DNAH11: variants seen among roughly 807,000 people sequenced by gnomAD.
The protein encoded by DNAH11 is dynein axonemal heavy chain 11.
A neutral mutation model predicts 526.0 loss-of-function variants in DNAH11; 442 were observed. The ratio of observed to expected loss-of-function variants is 0.84; its 90% CI spans 0.78 to 0.91. The LOEUF (loss-of-function observed/expected upper bound fraction) is 0.91, where lower values mean the gene tolerates loss of function less well. Ranked by LOEUF, DNAH11 falls within the 40% of genes least tolerant of loss-of-function variation. The pLI is 0.00. For missense variants in DNAH11, 6,989 were observed against 5,448.7 expected (o/e 1.28, Z -8.90); for synonymous variants, 2,461 against 1,935.9 (o/e 1.27, Z -7.12).
chr7:21,592,109 C>A (rs545652918), intron 14 of DNAH11, among the ~76,000 whole-genome samples: 2 of 152,168 alleles, frequency 1.3e-5, no homozygotes, highest in Admixed American at 1.3e-4. Flanking sequence ...AAAATAAAAG[C>A]AAACAACACA....
At chr7:21,777,126 C>G (rs573061599) in intron 56 of DNAH11, among the ~76,000 whole-genome samples, 1 of 152,148 alleles carries the variant, frequency 6.6e-6, no homozygotes, top group Non-Finnish European at 1.5e-5. Context: ...TCCTGGCCAT[C>G]ACTAATCTAT....
intron 29 of DNAH11, among the ~76,000 whole-genome samples, chr7:21,656,784 C>A (rs1368703247): frequency 1.3e-5 from 2 of 152,140 alleles, no homozygotes; most frequent in South Asian, 4.1e-4. Context: ...TTCTTTACTC[C>A]TTTCTGTTGC....
At chr7:21,602,263 C>A (rs1198707367) in intron 18 of DNAH11, among the ~76,000 whole-genome samples, 2 of 152,062 alleles carry the variant, frequency 1.3e-5, no homozygotes, top group African/African-American at 2.4e-5. Context: ...CGTTTGAACT[C>A]GGGAGGTGAA....
At chr7:21,776,541 G>T (rs974993212) in intron 56 of DNAH11, among the ~76,000 whole-genome samples, 3 of 152,138 alleles carry the variant, frequency 2.0e-5, no homozygotes, top group Non-Finnish European at 4.4e-5. Flanking sequence ...TTACAGTAAA[G>T]CTGTAAGCAC....
At chr7:21,615,824 T>G (rs1044697620) in intron 21 of DNAH11, among the ~76,000 whole-genome samples, 1 of 152,162 alleles carries the variant, frequency 6.6e-6, no homozygotes, top group African/African-American at 2.4e-5. Context: ...AAATGGTTGA[T>G]GAGAGTTTTG....
At chr7:21,766,092 A>G (rs1480771686) in intron 55 of DNAH11, among the ~76,000 whole-genome samples, 2 of 152,170 alleles carry the variant, frequency 1.3e-5, no homozygotes, top group Non-Finnish European at 2.9e-5. Flanking sequence ...TAAGTCAAAT[A>G]ATATATCTAC....
At chr7:21,655,728 C>A in intron 28 of DNAH11, 104 bp from the exon 29 acceptor site, 1 of 1,183,272 alleles carries the variant, frequency 8.5e-7, no homozygotes, top group Non-Finnish European at 1.2e-6. Context: ...TGAGACAACT[C>A]TAACTCCATA....
At chr7:21,879,857 G>C (rs1022429446) in intron 74 of DNAH11, among the ~76,000 whole-genome samples, 7 of 152,102 alleles carry the variant, frequency 4.6e-5, no homozygotes, top group African/African-American at 1.7e-4. Flanking sequence ...GGCCGAGCAG[G>C]GTGGATCACC....
intron 25 of DNAH11, among the ~76,000 whole-genome samples, chr7:21,620,443 T>C (rs1583535941): frequency 6.6e-6 from 1 of 152,122 alleles, no homozygotes; most frequent in Non-Finnish European, 1.5e-5. Context: ...AGTTCAACTT[T>C]TTTAGATTCC....
At position 21,705,525 on chromosome 7, in the gene DNAH11, A is replaced by G. The variant is rs1248330170; in HGVS notation, c.6534A>G (p.Thr2178=). 2 of 1,613,572 alleles carry G rather than the reference A, an allele frequency of 1.2e-6. No individual in the cohort carries two copies. The highest frequency in any genetic ancestry group is 1.7e-6 in the Non-Finnish European group (2 of 1,179,586). The change falls in exon 39 of 82, where the codon ACA becomes ACG. Residue 2178 remains threonine (T), a synonymous_variant. Transcript: ENST00000409508. The part of the protein sequence containing the change: ...HSVFVVGNAG[T]GKSKILRTLN... The stretch of plus-strand genomic sequence containing the variant: ...TCTTTGTAGTTGGAAATGCAGGCAC[A>G]GGAAAGAGTAAGGTATAGTAAATTG...
At chr7:21,751,726 G>T (rs555814717) in intron 54 of DNAH11, among the ~76,000 whole-genome samples, 2 of 152,254 alleles carry the variant, frequency 1.3e-5, no homozygotes, top group East Asian at 3.9e-4. Context: ...CCAACATTCT[G>T]CTATTTCAAG....
At chr7:21,598,584 C>G (rs1048620767) in intron 14 of DNAH11, among the ~76,000 whole-genome samples, 1 of 107,812 alleles carries the variant, frequency 9.3e-6, no homozygotes, top group Non-Finnish European at 2.0e-5. Flanking sequence ...AGATGGTATG[C>G]AAAAATAAAT....
At chr7:21,788,817 G>C (rs576151399) in intron 60 of DNAH11, among the ~76,000 whole-genome samples, 1 of 152,216 alleles carries the variant, frequency 6.6e-6, no homozygotes, top group Non-Finnish European at 1.5e-5. Context: ...AATATGAGGC[G>C]TATCTTCACA....
At position 21,765,623 on chromosome 7, in the gene DNAH11, C is replaced by G. The variant is rs749823462; in HGVS notation, c.9102+34C>G. ...TGTCAGCCTGCGTCACACACACACA[C>G]ACACACACACACACACACACACACA... On this transcript the variant is annotated intron_variant, in intron 55 of 81. Coordinates refer to ENST00000409508, the MANE Select transcript of DNAH11 (RefSeq NM_001277115.2). 2.1e-5 allele frequency: 16 copies of G among 748,000 alleles called. No homozygotes were observed. In the African/African-American group the frequency reaches 4.6e-4, roughly 22 times the overall value. The allele number at this position is 748,000 out of a possible 1,614,324, so 46.3% of individuals were successfully genotyped here.
intron 79 of DNAH11, among the ~76,000 whole-genome samples, chr7:21,896,362 G>C (rs1562609681): frequency 6.6e-6 from 1 of 152,166 alleles, no homozygotes; most frequent in Non-Finnish European, 1.5e-5. Context: ...CTTATACGTA[G>C]AATTATAGGA....
At position 21,845,903 on chromosome 7, in the gene DNAH11, A is replaced by G. The variant is rs372620982; in HGVS notation, c.10896+3155A>G. Among the ~76,000 whole-genome samples, 8 of 152,260 alleles carry G rather than the reference A, an allele frequency of 5.3e-5. 1 individual carries two copies. The highest frequency in any genetic ancestry group is 1.9e-4 in the African/African-American group (8 of 41,570). On this transcript the variant is annotated intron_variant, in intron 66 of 81. Coordinates refer to ENST00000409508, the MANE Select transcript of DNAH11 (RefSeq NM_001277115.2). The stretch of plus-strand genomic sequence containing the variant: ...TATCTCTCCATTGTTTAGATCTTTG[A>G]TTTCTTTCATCAGAGATTTTTAGTC...
At chr7:21,850,608 CTTTTTTTTTTT>C (rs3062635) in intron 66 of DNAH11, among the ~76,000 whole-genome samples, 2 of 62,658 alleles carry the variant, frequency 3.2e-5, no homozygotes, top group Non-Finnish European at 2.9e-5. Flanking sequence ...CTGTCTTCTT[CTTTTTTTTTTT>C]TTTTTTTTTT....
At chr7:21,666,389 T>C (rs1583576160) in intron 30 of DNAH11, among the ~76,000 whole-genome samples, 1 of 152,120 alleles carries the variant, frequency 6.6e-6, no homozygotes, top group Admixed American at 6.6e-5. Context: ...TCTTTTATTA[T>C]TGAGCTGTGT....
rs558859356 is a variant in DNAH11 at position 21,790,185 on chromosome 7, A to G, written c.10026+843A>G. Among the ~76,000 whole-genome samples the G allele has an allele frequency of 1.7e-4, 26 of 152,148 alleles. No homozygotes were observed. The South Asian group carries it at 1.9e-3, about 11-fold the overall frequency. On this transcript the variant is annotated intron_variant, in intron 61 of 81. Transcript: ENST00000409508. ...TTTTCGGCTCGGCGCAGTGGCTCAC[A>G]CCTGTAATCCCAGCACTTTGGGAGG... is the stretch of plus-strand genomic sequence containing the variant.
Sources: gnomAD v4.1 joint callset for allele counts (sites outside exome capture counted in the v4.1 genomes callset) on GRCh38, gnomAD v4.1.1 for gene constraint, MANE v1.5 for transcripts, NCBI Gene and HGNC (gene_info 2026-07-23, HGNC 2026-07-21) for gene names.